ANKS1B: variants seen among roughly 807,000 people sequenced by gnomAD.
The protein encoded by ANKS1B is ankyrin repeat and sterile alpha motif domain containing 1B.
In ANKS1B, 36 loss-of-function variants were observed where a neutral mutation model predicts 148.3. The ratio of observed to expected loss-of-function variants is 0.24; its 90% CI spans 0.19 to 0.32. The LOEUF (loss-of-function observed/expected upper bound fraction) is 0.32, where lower values mean the gene tolerates loss of function less well. Among genes scored for constraint, ANKS1B ranks in the 10% least tolerant of loss-of-function variants. The pLI is 1.00. For synonymous variants in ANKS1B, 542 were observed against 560.8 expected (o/e 0.97, Z 0.47); for missense variants, 1,157 against 1,542.6 (o/e 0.75, Z 4.19).
chr12:98,800,675 G>GATT (rs59458507), intron 21 of ANKS1B, among the ~76,000 whole-genome samples: 14 of 99,684 alleles, frequency 1.4e-4, no homozygotes, highest in South Asian at 1.3e-3. Context: ...AGTGAGCAGA[G>GATT]ATATATATAT....
chr12:99,784,130 C>T (rs2064704540), intron 4 of ANKS1B, among the ~76,000 whole-genome samples: 1 of 151,652 alleles, frequency 6.6e-6, no homozygotes, highest in South Asian at 2.1e-4. Flanking sequence ...AACCCTCTTC[C>T]AAACCTCATA....
chr12:99,146,486 A>G (rs1452866019), intron 15 of ANKS1B, among the ~76,000 whole-genome samples: 1 of 152,108 alleles, frequency 6.6e-6, no homozygotes. Flanking sequence ...AGAGGGAACA[A>G]CAGGCTTCCT....
chr12:99,754,557 C>T (rs1433423915), intron 8 of ANKS1B, among the ~76,000 whole-genome samples: 1 of 152,152 alleles, frequency 6.6e-6, no homozygotes, highest in African/African-American at 2.4e-5. Context: ...CTTCTCATTG[C>T]CACATGGCAC....
At position 98,744,820 on chromosome 12, in the gene ANKS1B, TA is replaced by T; in HGVS notation, c.*918del. The T allele has an allele frequency of 1.6e-5, 16 of 985,500 alleles. No individual in the cohort carries two copies. Among genetic ancestry groups the T allele is most frequent in the Non-Finnish European group, 1.8e-5 (15 of 829,862 alleles). 61.0% of individuals were successfully genotyped at this position (985,500 alleles called of 1,614,324 possible). A position where few individuals can be genotyped will look rare whatever the true frequency, so the allele number is the denominator to read the frequency against. On this transcript the variant is annotated 3_prime_UTR_variant, in exon 27 of 27. Coordinates refer to ENST00000683438, the MANE Select transcript of ANKS1B (RefSeq NM_001352186.2). ...ATTTTTTTTTTTTTAACATGTTCTTTAAAACACTGTGAAGATTAAAAAACAA... is the reference window on the plus strand; with the variant it reads ...ATTTTTTTTTTTTTAACATGTTCTTTAAACACTGTGAAGATTAAAAAACAA...
chr12:99,665,867 AAT>A (rs1182851963), intron 8 of ANKS1B, among the ~76,000 whole-genome samples: 36 of 152,176 alleles, frequency 2.4e-4, no homozygotes, highest in Admixed American at 2.4e-3. Context: ...ACTGTTGGTG[AAT>A]ATATAAGAAA....
At chr12:99,162,551 C>G (rs532597536) in intron 14 of ANKS1B, among the ~76,000 whole-genome samples, 1 of 152,086 alleles carries the variant, frequency 6.6e-6, no homozygotes, top group South Asian at 2.1e-4. Flanking sequence ...GTCCTGCAAT[C>G]TGCATCATCC....
intron 4 of ANKS1B, among the ~76,000 whole-genome samples, chr12:99,792,067 C>G (rs953075776): frequency 2.6e-5 from 4 of 151,848 alleles, no homozygotes; most frequent in South Asian, 2.1e-4. Flanking sequence ...GGAGACATTA[C>G]AACTAATATC....
intron 9 of ANKS1B, among the ~76,000 whole-genome samples, chr12:99,532,222 T>G (rs2097003206): frequency 6.6e-6 from 1 of 152,240 alleles, no homozygotes; most frequent in Admixed American, 6.5e-5. Flanking sequence ...TTATTTTTGT[T>G]TTGTTGGATT....
At chr12:99,093,088 T>C (rs536227523) in intron 15 of ANKS1B, among the ~76,000 whole-genome samples, 5 of 152,182 alleles carry the variant, frequency 3.3e-5, no homozygotes, top group Non-Finnish European at 1.5e-5. Flanking sequence ...TTCCGGTCCA[T>C]AGATATGTAA....
chr12:99,317,957 C>G (rs182470246), intron 12 of ANKS1B, among the ~76,000 whole-genome samples: 6 of 151,696 alleles, frequency 4.0e-5, no homozygotes, highest in African/African-American at 1.5e-4. Context: ...GTTTATATGA[C>G]GGATTAAGTT....
At chr12:98,928,828 C>T (rs641985) in intron 17 of ANKS1B, among the ~76,000 whole-genome samples, 21,367 of 151,850 alleles carry the variant, frequency 0.14, 1,892 homozygotes, top group African/African-American at 0.24. Context: ...AGAACCCATA[C>T]GGCTAAAATA....
At chr12:99,856,720 C>T (rs1408565444) in intron 1 of ANKS1B, among the ~76,000 whole-genome samples, 4 of 151,840 alleles carry the variant, frequency 2.6e-5, no homozygotes, top group African/African-American at 4.8e-5. Context: ...GATGCGGGGA[C>T]GGTTTAACAT....
At chr12:98,922,381 A>G (rs964344740) in intron 17 of ANKS1B, among the ~76,000 whole-genome samples, 12 of 152,226 alleles carry the variant, frequency 7.9e-5, no homozygotes, top group African/African-American at 2.9e-4. Flanking sequence ...TCCTTTGACA[A>G]CAAAAATTCC....
intron 9 of ANKS1B, chr12:99,649,480 G>C (rs2098404077): frequency 4.5e-6 from 5 of 1,121,970 alleles, no homozygotes; most frequent in East Asian, 2.4e-5. Flanking sequence ...CTGATGAAGG[G>C]GCAGGGTAGC....
chr12:99,432,486 G>A (rs538454182), intron 11 of ANKS1B, among the ~76,000 whole-genome samples: 190 of 152,282 alleles, frequency 1.2e-3, no homozygotes, highest in Non-Finnish European at 2.0e-3. Flanking sequence ...AAAAGAGAGG[G>A]ATGGAAGGAA....
intron 9 of ANKS1B, among the ~76,000 whole-genome samples, chr12:99,566,174 C>T (rs376194820): frequency 6.6e-6 from 1 of 152,158 alleles, no homozygotes; most frequent in East Asian, 1.9e-4. Flanking sequence ...TTTTCAGTCA[C>T]GTAATCCTAA....
At chr12:99,916,242 G>A (rs2094166606) in intron 1 of ANKS1B, among the ~76,000 whole-genome samples, 1 of 152,152 alleles carries the variant, frequency 6.6e-6, no homozygotes, top group African/African-American at 2.4e-5. Flanking sequence ...ATTCTTTAAG[G>A]GGAAGTGCTG....
At chr12:99,532,550 C>T (rs1393029862) in intron 9 of ANKS1B, among the ~76,000 whole-genome samples, 3 of 152,048 alleles carry the variant, frequency 2.0e-5, no homozygotes, top group African/African-American at 7.2e-5. Context: ...TTAGTACAGA[C>T]GGGGTTTCAT....
intron 1 of ANKS1B, among the ~76,000 whole-genome samples, chr12:99,900,661 C>G (rs1302246825): frequency 6.6e-6 from 1 of 152,030 alleles, no homozygotes; most frequent in East Asian, 1.9e-4. Context: ...ACATTATCCC[C>G]ACATTAAAGT....
Sources: gnomAD v4.1 joint callset for allele counts (sites outside exome capture counted in the v4.1 genomes callset) on GRCh38, gnomAD v4.1.1 for gene constraint, MANE v1.5 for transcripts, NCBI Gene and HGNC (gene_info 2026-07-23, HGNC 2026-07-21) for gene names.